Variants in P4HA2 observed in about 807,000 individuals in gnomAD.
P4HA2 encodes the protein prolyl 4-hydroxylase subunit alpha-2.
Under a neutral mutation model 76.9 loss-of-function variants are expected in P4HA2, and 46 were observed. That is an observed-to-expected ratio of 0.60 (90% CI 0.47 to 0.76). The LOEUF is 0.76. Ranked by LOEUF, P4HA2 falls within the 30% of genes least tolerant of loss-of-function variation. P4HA2 has a pLI of 0.00. For synonymous variants in P4HA2, 243 were observed against 254.0 expected (o/e 0.96, Z 0.41); for missense variants, 583 against 669.4 (o/e 0.87, Z 1.42).
intron 8 of P4HA2, among the ~76,000 whole-genome samples, chr5:132,205,223 G>A (rs905691671): frequency 3.3e-5 from 5 of 152,184 alleles, no homozygotes; most frequent in Admixed American, 2.6e-4. Flanking sequence ...CTTCCTAGGG[G>A]AGGAGACCAC....
Position 132,217,841 on chromosome 5 carries a change from C to A in P4HA2, c.90G>T (p.Met30Ile). The A allele has an allele frequency of 6.2e-7, 1 of 1,603,974 alleles. No homozygotes were observed. Among genetic ancestry groups the A allele is most frequent in the South Asian group, 1.1e-5 (1 of 90,418 alleles). ...CTTTCTCTGCATAAATCAGGTCAGT[C>A]ATGTGCCCTGCAAGGGAGAGAAGAA... is the stretch of plus-strand genomic sequence containing the variant. The part of the protein sequence containing the change: ...QAEFFTSIGH[M>I]TDLIYAEKEL... The change falls in exon 3 of 15, where the codon ATG (methionine) becomes ATT (isoleucine). Residue 30 changes from methionine to isoleucine, a missense_variant. By Grantham distance (10) the Met-to-Ile change is conservative. Coordinates refer to ENST00000360568, the MANE Select transcript of P4HA2 (RefSeq NM_001017974.2).
chr5:132,204,738 T>C lies in P4HA2; in HGVS notation c.1081-586A>G, dbSNP rs192984467. On this transcript the variant is annotated intron_variant, in intron 8 of 14. Coordinates refer to ENST00000360568, the MANE Select transcript of P4HA2 (RefSeq NM_001017974.2). ...TGGCACAGTTTTCGCTCCCTTGGGA[T>C]CCTTACAAGTCAGATGATAAAACCA... Among the ~76,000 whole-genome samples the C allele has an allele frequency of 9.4e-4, 143 of 152,310 alleles. 5 individuals carry two copies. Among genetic ancestry groups the C allele is most frequent in the Admixed American group, 7.8e-4 (12 of 15,302 alleles).
chr5:132,198,460 G>A, intron 11 of P4HA2, 80 bp from the exon 12 acceptor site: 1 of 1,305,836 alleles, frequency 7.7e-7, no homozygotes, highest in Non-Finnish European at 1.1e-6. Context: ...AAAGGGTCAG[G>A]GAAAAGTAAT....
At chr5:132,210,619 G>A in intron 5 of P4HA2, 96 bp from the exon 6 acceptor site, 2 of 1,226,682 alleles carry the variant, frequency 1.6e-6, no homozygotes, top group East Asian at 2.3e-5. Context: ...CTGGATAGGG[G>A]GCATCACCAA....
chr5:132,194,648 C>G (rs993779711), intron 14 of P4HA2, among the ~76,000 whole-genome samples: 89 of 152,364 alleles, frequency 5.8e-4, no homozygotes, highest in Non-Finnish European at 1.1e-3. Flanking sequence ...AGAAGCCTTG[C>G]CAGAGGGTCC....
intron 14 of P4HA2, among the ~76,000 whole-genome samples, chr5:132,194,042 G>C (rs1452092224): frequency 6.6e-6 from 1 of 152,024 alleles, no homozygotes; most frequent in Non-Finnish European, 1.5e-5. Flanking sequence ...TTCTAGATAA[G>C]ATGCTTATAG....
intron 4 of P4HA2, 114 bp downstream of exon 4, chr5:132,217,083 C>T (rs1218859013): frequency 6.2e-6 from 6 of 970,696 alleles, no homozygotes; most frequent in Non-Finnish European, 9.2e-6. Flanking sequence ...GGTCCTGTTT[C>T]CACAATGTAC....
At chr5:132,197,167 G>A (rs1024943728) in intron 12 of P4HA2, among the ~76,000 whole-genome samples, 5 of 152,184 alleles carry the variant, frequency 3.3e-5, no homozygotes, top group African/African-American at 1.2e-4. Context: ...GAGGCAAGAG[G>A]TGGGAATCAG....
At chr5:132,211,040 CA>C (rs1363162809) in intron 5 of P4HA2, among the ~76,000 whole-genome samples, 1 of 152,208 alleles carries the variant, frequency 6.6e-6, no homozygotes, top group Non-Finnish European at 1.5e-5. Flanking sequence ...AAAGAACAGA[CA>C]ATGAATAACC....
chr5:132,217,064 G>T, intron 4 of P4HA2, 133 bp downstream of exon 4: 1 of 763,276 alleles, frequency 1.3e-6, no homozygotes, highest in Non-Finnish European at 2.1e-6. Context: ...AGAGCCATGA[G>T]ACCAGCAGGG....
chr5:132,218,217 A>G (rs1296488752), intron 2 of P4HA2, among the ~76,000 whole-genome samples: 1 of 152,140 alleles, frequency 6.6e-6, no homozygotes, highest in Non-Finnish European at 1.5e-5. Flanking sequence ...GAAGGATAGG[A>G]AAAGCTTGAT....
At chr5:132,204,897 C>T (rs1751989396) in intron 8 of P4HA2, among the ~76,000 whole-genome samples, 1 of 152,244 alleles carries the variant, frequency 6.6e-6, no homozygotes, top group African/African-American at 2.4e-5. Context: ...TAGTGAAACC[C>T]CAAGGGGGAC....
intron 4 of P4HA2, among the ~76,000 whole-genome samples, chr5:132,214,893 C>T (rs1461672512): frequency 6.6e-6 from 1 of 152,182 alleles, no homozygotes; most frequent in African/African-American, 2.4e-5. Flanking sequence ...TCTGGGACTC[C>T]AAGCCCTAGC....
At chr5:132,210,881 G>A (rs933537208) in intron 5 of P4HA2, among the ~76,000 whole-genome samples, 4 of 152,186 alleles carry the variant, frequency 2.6e-5, no homozygotes, top group African/African-American at 7.2e-5. Flanking sequence ...TTTGCCATAT[G>A]AGTCTAGAGG....
intron 12 of P4HA2, among the ~76,000 whole-genome samples, chr5:132,197,748 T>C (rs770467501): frequency 6.0e-5 from 9 of 151,132 alleles, no homozygotes; most frequent in South Asian, 2.1e-4. Flanking sequence ...GTAACCAAAA[T>C]CACAGCGACA....
chr5:132,226,496 G>C (rs1755413944), intron 1 of P4HA2, among the ~76,000 whole-genome samples: 1 of 152,030 alleles, frequency 6.6e-6, no homozygotes, highest in African/African-American at 2.4e-5. Flanking sequence ...TTAAGATGGA[G>C]TCTCGCTCTG....
chr5:132,224,581 A>G lies in P4HA2; in HGVS notation c.-19+3209T>C, dbSNP rs373394458. 7.2e-5 allele frequency among the ~76,000 whole-genome samples: 11 copies of G among 152,246 alleles called. No individual in the cohort carries two copies. The East Asian group carries it at 1.9e-3, about 27-fold the overall frequency. On this transcript the variant is annotated intron_variant, in intron 1 of 14. Coordinates refer to ENST00000360568, the MANE Select transcript of P4HA2 (RefSeq NM_001017974.2). ...GCGATCTCCATGTTCCAGGAGCACC[A>G]CAAGAAATGAAACATTTAATTCAGG... is the stretch of plus-strand genomic sequence containing the variant.
At chr5:132,197,831 G>C (rs1325998103) in intron 12 of P4HA2, 1 of 210,042 alleles carries the variant, frequency 4.8e-6, no homozygotes, top group African/African-American at 2.4e-5. Context: ...TAGAGTTTCA[G>C]TTTTAGATGA....
chr5:132,213,896 C>T lies in P4HA2; in HGVS notation c.469+20G>A, dbSNP rs765303828. ...AAAGAGACACATGCGGGACAGGCAACGCCTGGAGTGGTGAGTTACCTGGAA... is the reference window on the plus strand; with the variant it reads ...AAAGAGACACATGCGGGACAGGCAATGCCTGGAGTGGTGAGTTACCTGGAA... On this transcript the variant is annotated intron_variant, in intron 5 of 14. Transcript: ENST00000360568. The T allele has an allele frequency of 2.4e-5, 39 of 1,612,860 alleles. No individual in the cohort carries two copies. In the East Asian group the frequency reaches 3.1e-4, roughly 13 times the overall value.
Sources: allele counts gnomAD v4.1 joint callset (sites outside exome capture counted in the v4.1 genomes callset), GRCh38; gene constraint gnomAD v4.1.1; transcripts MANE v1.5; gene names NCBI Gene and HGNC (gene_info 2026-07-23, HGNC 2026-07-21).